The following PNKD variants were observed in gnomAD, a reference collection of about 807,000 sequenced individuals.
The protein encoded by PNKD is PNKD metallo-beta-lactamase domain containing.
PNKD carries 36 observed loss-of-function variants against 45.3 expected under a neutral mutation model. The ratio of observed to expected loss-of-function variants is 0.80; its 90% CI spans 0.61 to 1.05. The LOEUF is 1.05. Ranked by LOEUF, PNKD falls within the 50% of genes least tolerant of loss-of-function variation. The pLI is 0.00. For missense variants in PNKD, 511 were observed against 506.6 expected, an observed-to-expected ratio of 1.01 and a Z score of -0.08; for synonymous variants, 197 against 210.1, an observed-to-expected ratio of 0.94 and a Z score of 0.54.
chr2:218,281,927 T>C (rs1468132193), intron 2 of PNKD: 1 of 1,580,100 alleles, frequency 6.3e-7, no homozygotes, highest in Non-Finnish European at 8.6e-7. Context: ...CCATCTGCCC[T>C]TCCAGGACTC....
In PNKD at chr2:218,344,925, C is replaced by A; in HGVS notation, c.1102C>A (p.Arg368=). Residue 368 remains arginine, a synonymous_variant, in exon 10 of 10, where the codon CGG becomes AGG. Coordinates refer to ENST00000273077, the MANE Select transcript of PNKD (RefSeq NM_015488.5). ...CCCCACTGGGGATGATGACTACTCC[C>A]GGGCCCAGCTCCTGGAAGAGCTCCG... ...PGPTGDDDYS[R]AQLLEELRRL... 2 of 1,614,004 alleles carry A rather than the reference C, an allele frequency of 1.2e-6. No individual in the cohort carries two copies. The highest frequency in any genetic ancestry group is 1.7e-6 in the Non-Finnish European group (2 of 1,179,960).
At chr2:218,331,904 C>G (rs767988078) in intron 2 of PNKD, among the ~76,000 whole-genome samples, 8 of 152,134 alleles carry the variant, frequency 5.3e-5, no homozygotes, top group Non-Finnish European at 1.0e-4. Flanking sequence ...GTGCAGTTTT[C>G]CAAGGTCTGA....
intron 2 of PNKD, among the ~76,000 whole-genome samples, chr2:218,335,093 G>T (rs2106287539): frequency 6.6e-6 from 1 of 152,168 alleles, no homozygotes; most frequent in South Asian, 2.1e-4. Flanking sequence ...TCAGGCTTCA[G>T]TGAGCTGTGA....
chr2:218,313,978 G>A (rs1338059805), intron 2 of PNKD, among the ~76,000 whole-genome samples: 1 of 141,426 alleles, frequency 7.1e-6, no homozygotes, highest in Non-Finnish European at 1.5e-5. Context: ...CTGGAGTGCA[G>A]TGGCGCAATC....
At position 218,340,630 on chromosome 2, in the gene PNKD, T is replaced by C; in HGVS notation, c.466-98T>C. The C allele has an allele frequency of 1.2e-6, 1 of 856,622 alleles. No homozygotes were observed. The allele number at this position is 856,622 out of a possible 1,614,324, so 53.1% of individuals were successfully genotyped here. ...TCCTCTGCTTCATCTCTCCATGCTC[T>C]CCTCTCCTCTCCACCAGCGCCCACA... On this transcript the variant is annotated intron_variant, in intron 4 of 9. Transcript: ENST00000273077. The surrounding 1 kb of genome is among the most constrained non-coding windows in gnomAD (Gnocchi z 4.2).
intron 2 of PNKD, among the ~76,000 whole-genome samples, chr2:218,303,633 G>A (rs575718707): frequency 1.4e-5 from 2 of 147,230 alleles, no homozygotes; most frequent in Admixed American, 6.9e-5. Context: ...CTGGAATGCA[G>A]TGGCATGATC....
In PNKD at chr2:218,345,307, A is replaced by T; in HGVS notation, c.*326A>T. ...CTACTCCTGGGACGGCAGCAAGGACATGGGGGCTGCTGTTAGCTTCTCCGT... is the reference window on the plus strand; with the variant it reads ...CTACTCCTGGGACGGCAGCAAGGACTTGGGGGCTGCTGTTAGCTTCTCCGT... On this transcript the variant is annotated 3_prime_UTR_variant, in exon 10 of 10. Transcript: ENST00000273077. The T allele has an allele frequency of 3.3e-6, 1 of 300,122 alleles. No individual in the cohort carries two copies. Among genetic ancestry groups the T allele is most frequent in the Non-Finnish European group, 6.3e-6 (1 of 159,086 alleles). The allele number at this position is 300,122 out of a possible 1,614,324, so 18.6% of individuals were successfully genotyped here.
chr2:218,336,484 G>A (rs939487197), intron 2 of PNKD, among the ~76,000 whole-genome samples: 2 of 152,106 alleles, frequency 1.3e-5, no homozygotes, highest in Non-Finnish European at 2.9e-5. Context: ...ACATGGATGT[G>A]TATTTAGTTC....
At chr2:218,292,434 C>G (rs1692998236) in intron 2 of PNKD, 1 of 152,346 alleles carries the variant, frequency 6.6e-6, no homozygotes, top group South Asian at 2.1e-4. Flanking sequence ...CCCACAGTCC[C>G]CAACGGCGCC....
intron 2 of PNKD, chr2:218,278,100 T>G (rs189349414): frequency 9.1e-7 from 1 of 1,100,986 alleles, no homozygotes; most frequent in Non-Finnish European, 1.3e-6. Context: ...AGGAGGGAGG[T>G]TGGCATGGCC....
intron 2 of PNKD, chr2:218,272,977 T>C: frequency 7.2e-7 from 1 of 1,396,748 alleles, no homozygotes; most frequent in Non-Finnish European, 9.4e-7. Context: ...TCCCTTGGGA[T>C]GGGAGGGGCA....
intron 2 of PNKD, among the ~76,000 whole-genome samples, chr2:218,308,934 TTCTC>T (rs1324039510): frequency 6.6e-6 from 1 of 151,940 alleles, no homozygotes; most frequent in African/African-American, 2.4e-5. Flanking sequence ...CTCTCTCTCT[TTCTC>T]TCTTTCTCCT....
In PNKD at chr2:218,326,186, A is replaced by G. The variant is rs1269524699; in HGVS notation, c.237-13597A>G. Among the ~76,000 whole-genome samples, 1 of 152,152 alleles carries G rather than the reference A, an allele frequency of 6.6e-6. No homozygotes were observed. Among genetic ancestry groups the G allele is most frequent in the Non-Finnish European group, 1.5e-5 (1 of 68,022 alleles). Reference sequence around the variant, plus strand: ...TTCTACTGGGGGTGGAAAGGCAATGATGGAAACACCAGGCTCACCGGGAGG... The same window carrying G: ...TTCTACTGGGGGTGGAAAGGCAATGGTGGAAACACCAGGCTCACCGGGAGG... On this transcript the variant is annotated intron_variant, in intron 2 of 9. Coordinates refer to ENST00000273077, the MANE Select transcript of PNKD (RefSeq NM_015488.5). The surrounding 1 kb of genome is among the most constrained non-coding windows in gnomAD (Gnocchi z 4.1).
chr2:218,294,975 C>T (rs148297971), intron 2 of PNKD, among the ~76,000 whole-genome samples: 2 of 152,168 alleles, frequency 1.3e-5, no homozygotes, highest in Admixed American at 1.3e-4. Context: ...CTAGAACCAC[C>T]AGGATGGTTA....
intron 2 of PNKD, among the ~76,000 whole-genome samples, chr2:218,336,447 C>T (rs930921549): frequency 3.9e-5 from 6 of 152,020 alleles, no homozygotes; most frequent in Admixed American, 1.3e-4. Flanking sequence ...ATCACAGAAA[C>T]GACATAATTA....
In PNKD at chr2:218,346,484, TC is replaced by T. The variant is rs1694829141; in HGVS notation, c.*1507del. 1 of 154,008 alleles carries T rather than the reference TC, an allele frequency of 6.5e-6. No homozygotes were observed. Among genetic ancestry groups the T allele is most frequent in the African/African-American group, 2.4e-5 (1 of 41,438 alleles). The allele number at this position is 154,008 out of a possible 1,614,324, so 9.5% of individuals were successfully genotyped here. A position where few individuals can be genotyped will look rare whatever the true frequency, so the allele number is the denominator to read the frequency against. On this transcript the variant is annotated 3_prime_UTR_variant, in exon 10 of 10. Coordinates refer to ENST00000273077, the MANE Select transcript of PNKD (RefSeq NM_015488.5). ...GCTGTTTCTTCCGACTGGAATGCCT[TC>T]CCCTGCTCCTCCTGCCTTGTCTGCC...
intron 8 of PNKD, 53 bp from the exon 9 acceptor site, chr2:218,344,402 C>T (rs940741443): frequency 4.5e-6 from 6 of 1,319,940 alleles, no homozygotes; most frequent in African/African-American, 4.4e-5. Context: ...ACTGTTCTGA[C>T]TGTACCACCA....
At chr2:218,334,040 G>T (rs1206010579) in intron 2 of PNKD, among the ~76,000 whole-genome samples, 1 of 150,110 alleles carries the variant, frequency 6.7e-6, no homozygotes, top group African/African-American at 2.5e-5. Flanking sequence ...GCTTAAACCC[G>T]GGAGATGGAG....
chr2:218,293,112 G>T (rs886157302), intron 2 of PNKD, among the ~76,000 whole-genome samples: 2 of 152,320 alleles, frequency 1.3e-5, no homozygotes, highest in Non-Finnish European at 2.9e-5. Context: ...CTGCAAACAT[G>T]CAAACCTAGA....
Sources: allele counts gnomAD v4.1 joint callset (sites outside exome capture counted in the v4.1 genomes callset), GRCh38; gene constraint gnomAD v4.1.1; non-coding constraint Gnocchi (gnomAD v3.1); transcripts MANE v1.5; gene names NCBI Gene and HGNC (gene_info 2026-07-23, HGNC 2026-07-21).